The following GPRIN1 variants were observed in gnomAD, a reference collection of about 807,000 sequenced individuals.
GPRIN1 encodes the protein G protein regulated inducer of neurite outgrowth 1.
GPRIN1 carries 4 observed loss-of-function variants against 2.8 expected under a neutral mutation model. The observed-to-expected ratio is 1.45, with a 90% CI of 0.71 to 3.32. GPRIN1 has a LOEUF of 3.32. Ranked by LOEUF, GPRIN1 falls within the 30% of genes most tolerant of loss-of-function variation. The pLI is 0.01. For missense variants in GPRIN1, 1,322 were observed against 1,343.4 expected, an observed-to-expected ratio of 0.98 and a Z score of 0.25; for synonymous variants, 589 against 589.9, an observed-to-expected ratio of 1.00 and a Z score of 0.02.
chr5:176,597,190 G>C lies in GPRIN1; in HGVS notation c.2645C>G (p.Ala882Gly), dbSNP rs1225232343. Residue 882 changes from alanine (A) to glycine (G), a missense_variant, in exon 2 of 2, where the codon GCG (alanine) becomes GGG (glycine). By Grantham distance (60) the Ala-to-Gly change is moderately conservative (BLOSUM62 0). Coordinates refer to ENST00000303991, the MANE Select transcript of GPRIN1 (RefSeq NM_052899.3). The surrounding 1 kb of genome is among the most constrained non-coding windows in gnomAD (Gnocchi z 6.1). ...ATGPMTPQAA[A>G]PPAFPEVRVR... ...CCGCACTTCGGGGAAGGCGGGCGGC[G>C]CGGCGGCTTGAGGTGTCATGGGCCC... The C allele has an allele frequency of 7.6e-7, 1 of 1,323,454 alleles. No individual in the cohort carries two copies. Among genetic ancestry groups the C allele is most frequent in the Non-Finnish European group, 9.7e-7 (1 of 1,035,652 alleles). 82.0% of individuals were successfully genotyped at this position (1,323,454 alleles called of 1,614,324 possible).
At chr5:176,601,556 T>C (rs1166529986) in intron 1 of GPRIN1, among the ~76,000 whole-genome samples, 2 of 152,074 alleles carry the variant, frequency 1.3e-5, no homozygotes. Context: ...GCAGGAGATG[T>C]AGGAAAGAGG....
chr5:176,605,339 C>CT (rs1174910280), intron 1 of GPRIN1, among the ~76,000 whole-genome samples: 1 of 152,146 alleles, frequency 6.6e-6, no homozygotes, highest in East Asian at 1.9e-4. Flanking sequence ...AAGTGACTGG[C>CT]TGCCTTGGCC....
At position 176,598,977 on chromosome 5, in the gene GPRIN1, C is replaced by T. The variant is rs760017331; in HGVS notation, c.858G>A (p.Ser286=). 2.3e-5 allele frequency: 37 copies of T among 1,613,990 alleles called. No individual in the cohort carries two copies. The highest frequency in any genetic ancestry group is 1.7e-5 in the Admixed American group (1 of 59,996). Residue 286 remains serine (S), a synonymous_variant, in exon 2 of 2, where the codon TCG becomes TCA. Transcript: ENST00000303991. ...CCGAGGGCCCAGGATCTCTCTTTCCCGACAATACAAGATCTACCTTTTCTG... is the reference window on the plus strand; with the variant it reads ...CCGAGGGCCCAGGATCTCTCTTTCCTGACAATACAAGATCTACCTTTTCTG... ...TSAEKVDLVL[S]GKRDPGPSGK...
chr5:176,597,076 A>T lies in GPRIN1; in HGVS notation c.2759T>A (p.Met920Lys). ...GGCGGCGCCGTATACCTCCCACGTC[A>T]TGCCCTTCTCGTCCCAGCTCACGTC... ...VRDVSWDEKG[M>K]TWEVYGAAME... Residue 920 changes from methionine to lysine, a missense_variant, in exon 2 of 2, where the codon ATG becomes AAG. Physicochemically the swap from Met to Lys is moderately conservative, Grantham distance 95. Coordinates refer to ENST00000303991, the MANE Select transcript of GPRIN1 (RefSeq NM_052899.3). The surrounding 1 kb of genome is among the most constrained non-coding windows in gnomAD (Gnocchi z 6.1). The T allele has an allele frequency of 6.6e-7, 1 of 1,507,958 alleles. No homozygotes were observed. Among genetic ancestry groups the T allele is most frequent in the Non-Finnish European group, 8.9e-7 (1 of 1,126,206 alleles). The allele number at this position is 1,507,958 out of a possible 1,614,324, so 93.4% of individuals were successfully genotyped here.
Position 176,597,304 on chromosome 5 carries a change from G to A in GPRIN1, c.2531C>T (p.Ala844Val), listed in dbSNP as rs1322893352. 9.7e-6 allele frequency: 12 copies of A among 1,233,722 alleles called. No individual in the cohort carries two copies. Among genetic ancestry groups the A allele is most frequent in the Admixed American group, 8.6e-5 (2 of 23,222 alleles). The allele number at this position is 1,233,722 out of a possible 1,614,324, so 76.4% of individuals were successfully genotyped here. A position where few individuals can be genotyped will look rare whatever the true frequency, so the allele number is the denominator to read the frequency against. ...GAGGSAFSFQ[A>V]APRAPSPPSR... is the part of the protein sequence containing the mutation. ...GGGCGGGCTGGGCGCGCGCGGCGCC[G>A]CCTGGAAGCTGAAGGCCGAGCCCCC... Residue 844 changes from alanine (A) to valine (V), a missense_variant, in exon 2 of 2, where the codon GCG becomes GTG. By Grantham distance (64) the Ala-to-Val change is moderately conservative. Around this residue, in one of 3 missense-constraint regions of GPRIN1, gnomAD observed 1,117 missense variants for 1,128.6 expected, o/e 0.99. Coordinates refer to ENST00000303991, the MANE Select transcript of GPRIN1 (RefSeq NM_052899.3). The surrounding 1 kb of genome is among the most constrained non-coding windows in gnomAD (Gnocchi z 6.1).
intron 1 of GPRIN1, 81 bp from the exon 2 acceptor site, chr5:176,599,958 G>T: frequency 2.1e-6 from 2 of 974,804 alleles, no homozygotes; most frequent in Non-Finnish European, 2.8e-6. Context: ...TCCTCACTGA[G>T]TGCTGTGTCC....
chr5:176,610,095 G>A lies in GPRIN1; in HGVS notation c.-140C>T, dbSNP rs1305577827. On this transcript the variant is annotated 5_prime_UTR_variant, in exon 1 of 2. Coordinates refer to ENST00000303991, the MANE Select transcript of GPRIN1 (RefSeq NM_052899.3). The stretch of plus-strand genomic sequence containing the variant: ...GAGCGGCCTCGGCTGCCTCCGGCCG[G>A]GCTGGCGGGAGGACCCGCAGACTCG... 2 of 150,234 alleles carry A rather than the reference G, an allele frequency of 1.3e-5. No homozygotes were observed. The highest frequency in any genetic ancestry group is 3.0e-5 in the Non-Finnish European group (2 of 67,400). The allele number at this position is 150,234 out of a possible 1,614,324, so 9.3% of individuals were successfully genotyped here. A position where few individuals can be genotyped will look rare whatever the true frequency, so the allele number is the denominator to read the frequency against.
Position 176,598,180 on chromosome 5 carries a change from T to C in GPRIN1, c.1655A>G (p.Asp552Gly). The C allele has an allele frequency of 6.2e-7, 1 of 1,612,504 alleles. No individual in the cohort carries two copies. The highest frequency in any genetic ancestry group is 8.5e-7 in the Non-Finnish European group (1 of 1,179,952). ...GTCTGCCTTTCCCTTGCTCACAGGG[T>C]CCTCCTTGCCCACCGCGAGGGGCTC... Reference protein sequence around the residue: ...KAEPLAVGKEDPVSKGKADAG... With the variant: ...KAEPLAVGKEGPVSKGKADAG... Residue 552 changes from aspartate (D) to glycine (G), a missense_variant, in exon 2 of 2, where the codon GAC (aspartate) becomes GGC (glycine). Asp to Gly is a moderately conservative substitution (Grantham distance 94). Transcript: ENST00000303991.
Position 176,596,867 on chromosome 5 carries a change from G to A in GPRIN1, c.2968C>T (p.Leu990=), listed in dbSNP as rs766625996. Residue 990 remains leucine (L), a synonymous_variant, in exon 2 of 2, where the codon CTG becomes TTG. Coordinates refer to ENST00000303991, the MANE Select transcript of GPRIN1 (RefSeq NM_052899.3). This position sits in a 1 kb window ranked among gnomAD's most constrained non-coding sequence, Gnocchi z 5.2. The part of the protein sequence containing the change: ...AKRPPGLFRA[L]LQSVRRPRCC... ...CGCGGCCGGCGCACACTCTGCAGCA[G>A]CGCGCGGAACAGGCCGGGCGGACGC... 8 of 1,382,866 alleles carry A rather than the reference G, an allele frequency of 5.8e-6. No individual in the cohort carries two copies. Among genetic ancestry groups the A allele is most frequent in the Non-Finnish European group, 7.5e-6 (8 of 1,064,726 alleles). The allele number at this position is 1,382,866 out of a possible 1,614,324, so 85.7% of individuals were successfully genotyped here. A position where few individuals can be genotyped will look rare whatever the true frequency, so the allele number is the denominator to read the frequency against.
In GPRIN1 at chr5:176,596,046, G is replaced by T; in HGVS notation, c.*762C>A. On this transcript the variant is annotated 3_prime_UTR_variant, in exon 2 of 2. Coordinates refer to ENST00000303991, the MANE Select transcript of GPRIN1 (RefSeq NM_052899.3). The surrounding 1 kb of genome is among the most constrained non-coding windows in gnomAD (Gnocchi z 5.2). ...TGCCAGGGCCCAAGAGCTTCTGTGA[G>T]CCCAGCTGTGACCTCCAGACCTTCC... 1 of 169,556 alleles carries T rather than the reference G, an allele frequency of 5.9e-6. No individual in the cohort carries two copies. Among genetic ancestry groups the T allele is most frequent in the Non-Finnish European group, 1.3e-5 (1 of 79,964 alleles). 10.5% of individuals were successfully genotyped at this position (169,556 alleles called of 1,614,324 possible). A position where few individuals can be genotyped will look rare whatever the true frequency, so the allele number is the denominator to read the frequency against.
chr5:176,607,901 CTCTTTTTTTTTTTTTTTTTT>C (rs1759246357), intron 1 of GPRIN1, among the ~76,000 whole-genome samples: 1 of 95,906 alleles, frequency 1.0e-5, no homozygotes, highest in Non-Finnish European at 2.1e-5. Context: ...TGACACTTGG[CTCTTTTTTTTTTTTTTTTTT>C]TTTTTTTTTT....
chr5:176,599,752 A>T lies in GPRIN1; in HGVS notation c.83T>A (p.Phe28Tyr), dbSNP rs747625918. ...CCCCAGGCTCCCATCCTGTGGGCAG[A>T]AGAAGGCTGTGGGTCGGGGTCCTGG... ...SPPGPRPTAF[F>Y]CPQDGSLGAG... The change falls in exon 2 of 2, where the codon TTC (phenylalanine) becomes TAC (tyrosine). Residue 28 changes from phenylalanine (F) to tyrosine (Y), a missense_variant. Physicochemically the swap from Phe to Tyr is conservative, Grantham distance 22 (BLOSUM62 3). Coordinates refer to ENST00000303991, the MANE Select transcript of GPRIN1 (RefSeq NM_052899.3). 4.6e-6 allele frequency: 7 copies of T among 1,535,048 alleles called. No homozygotes were observed. The Admixed American group carries it at 8.5e-5, about 19-fold the overall frequency.
At chr5:176,605,969 G>A (rs1336897715) in intron 1 of GPRIN1, among the ~76,000 whole-genome samples, 2 of 152,122 alleles carry the variant, frequency 1.3e-5, no homozygotes, top group Admixed American at 1.3e-4. Flanking sequence ...GTCAGCAAAG[G>A]ATATAGGAAG....
chr5:176,599,279 C>T lies in GPRIN1; in HGVS notation c.556G>A (p.Glu186Lys), dbSNP rs1264178479. 6.2e-7 allele frequency: 1 copy of T among 1,614,138 alleles called. No individual in the cohort carries two copies. Among genetic ancestry groups the T allele is most frequent in the Non-Finnish European group, 8.5e-7 (1 of 1,180,024 alleles). ...KADPMFTGKA[E>K]PEILGKGDPV... ...TCCCCCTTTCCCAAGATTTCAGGCT[C>T]TGCCTTTCCTGTAAACATGGGATCT... The change falls in exon 2 of 2, where the codon GAG becomes AAG. Residue 186 changes from glutamate (E) to lysine (K), a missense_variant. Physicochemically the swap from Glu to Lys is moderately conservative, Grantham distance 56. Coordinates refer to ENST00000303991, the MANE Select transcript of GPRIN1 (RefSeq NM_052899.3).
At chr5:176,600,715 A>AC (rs901006835) in intron 1 of GPRIN1, among the ~76,000 whole-genome samples, 7 of 151,578 alleles carry the variant, frequency 4.6e-5, no homozygotes, top group African/African-American at 1.7e-4. Flanking sequence ...GGAGTTCAAG[A>AC]CCCCCCTGGC....
Position 176,599,131 on chromosome 5 carries a change from G to A in GPRIN1, c.704C>T (p.Pro235Leu). ...AGGATCCACCTTTCTCAAAGACCCA[G>A]GATCCTCCTTCCTCGGTGACACTGT... ...TYTVSPRKED[P>L]GSLRKVDPVS... Residue 235 changes from proline to leucine, a missense_variant, in exon 2 of 2, where the codon CCT becomes CTT. By Grantham distance (98) the Pro-to-Leu change is moderately conservative (BLOSUM62 -3). Transcript: ENST00000303991. 7.0e-6 allele frequency: 6 copies of A among 860,210 alleles called. No homozygotes were observed. The highest frequency in any genetic ancestry group is 8.0e-6 in the Non-Finnish European group (5 of 627,112). The allele number at this position is 860,210 out of a possible 1,614,324, so 53.3% of individuals were successfully genotyped here. A position where few individuals can be genotyped will look rare whatever the true frequency, so the allele number is the denominator to read the frequency against.
rs149638893 is a variant in GPRIN1, at chr5:176,596,016, C to G, written c.*792G>C. On this transcript the variant is annotated 3_prime_UTR_variant, in exon 2 of 2. Transcript: ENST00000303991. The surrounding 1 kb of genome is among the most constrained non-coding windows in gnomAD (Gnocchi z 5.2). ...CCAATACCCAAGAACACCGGTCACC[C>G]AGGATGCCAGGGCCCAAGAGCTTCT... 27 of 184,558 alleles carry G rather than the reference C, an allele frequency of 1.5e-4. No homozygotes were observed. The highest frequency in any genetic ancestry group is 6.3e-4 in the African/African-American group (27 of 42,864). The allele number at this position is 184,558 out of a possible 1,614,324, so 11.4% of individuals were successfully genotyped here.
intron 1 of GPRIN1, among the ~76,000 whole-genome samples, chr5:176,606,206 G>C (rs1423463973): frequency 1.3e-5 from 2 of 152,160 alleles, no homozygotes; most frequent in Non-Finnish European, 2.9e-5. Flanking sequence ...GAGAATTAAA[G>C]AAAATGAGGG....
In GPRIN1 at chr5:176,597,186, C is replaced by A; in HGVS notation, c.2649G>T (p.Pro883=). The A allele has an allele frequency of 9.8e-6, 13 of 1,325,978 alleles. No individual in the cohort carries two copies. Among genetic ancestry groups the A allele is most frequent in the East Asian group, 2.9e-5 (1 of 34,244 alleles). The allele number at this position is 1,325,978 out of a possible 1,614,324, so 82.1% of individuals were successfully genotyped here. ...GCACCCGCACTTCGGGGAAGGCGGG[C>A]GGCGCGGCGGCTTGAGGTGTCATGG... ...TGPMTPQAAA[P]PAFPEVRVRP... Residue 883 remains proline (P), a synonymous_variant, in exon 2 of 2, where the codon CCG becomes CCT. Coordinates refer to ENST00000303991, the MANE Select transcript of GPRIN1 (RefSeq NM_052899.3). This position sits in a 1 kb window ranked among gnomAD's most constrained non-coding sequence, Gnocchi z 6.1.
Sources: gnomAD v4.1 joint callset for allele counts (sites outside exome capture counted in the v4.1 genomes callset) on GRCh38, gnomAD v4.1.1 for gene constraint, gnomAD v4.1.1 regional missense constraint, Gnocchi (gnomAD v3.1) non-coding constraint, MANE v1.5 for transcripts, NCBI Gene and HGNC (gene_info 2026-07-23, HGNC 2026-07-21) for gene names.